The following COMMD1 variants were observed in gnomAD, a reference collection of about 807,000 sequenced individuals.
COMMD1 encodes COMM domain-containing protein 1.
A neutral mutation model predicts 17.2 loss-of-function variants in COMMD1; 10 were observed. The observed-to-expected ratio is 0.58, with a 90% CI of 0.36 to 0.99. COMMD1 has a LOEUF of 0.99. Ranked by LOEUF, COMMD1 falls within the 50% of genes least tolerant of loss-of-function variation. COMMD1 has a pLI of 0.01. For missense variants in COMMD1, 270 were observed against 231.8 expected, an observed-to-expected ratio of 1.17 and a Z score of -1.07; for synonymous variants, 97 against 91.6, an observed-to-expected ratio of 1.06 and a Z score of -0.34.
intron 2 of COMMD1, among the ~76,000 whole-genome samples, chr2:62,061,536 GCTGT>G (rs949600203): frequency 3.3e-5 from 5 of 151,148 alleles, no homozygotes; most frequent in African/African-American, 1.2e-4. Context: ...TTTATGTGTG[GCTGT>G]CTTTCTTTCT....
At chr2:61,943,066 T>C (rs1670795240) in intron 1 of COMMD1, among the ~76,000 whole-genome samples, 1 of 152,176 alleles carries the variant, frequency 6.6e-6, no homozygotes, top group South Asian at 2.1e-4. Flanking sequence ...GGATTTTATC[T>C]CAGTAGAAAA....
chr2:62,033,605 A>G (rs1669966383), intron 2 of COMMD1, among the ~76,000 whole-genome samples: 1 of 151,994 alleles, frequency 6.6e-6, no homozygotes, highest in Admixed American at 6.5e-5. Flanking sequence ...ATGTTAAGCT[A>G]CTTCTTAAAA....
At chr2:61,937,308 T>C (rs1463878576) in intron 1 of COMMD1, among the ~76,000 whole-genome samples, 1 of 152,302 alleles carries the variant, frequency 6.6e-6, no homozygotes, top group East Asian at 1.9e-4. Flanking sequence ...AATGAGGAAG[T>C]GCATTCAAAT....
chr2:61,915,619 A>G, intron 1 of COMMD1: 2 of 429,608 alleles, frequency 4.7e-6, no homozygotes, highest in Admixed American at 5.0e-5. Context: ...CCTTTTGAGT[A>G]GCTGAAACTG....
intron 2 of COMMD1, among the ~76,000 whole-genome samples, chr2:62,067,593 C>G (rs1671088501): frequency 6.6e-6 from 1 of 151,856 alleles, no homozygotes; most frequent in East Asian, 1.9e-4. Flanking sequence ...ACACAGAGAC[C>G]CAGGGAAAAC....
At position 61,905,703 on chromosome 2, in the gene COMMD1, G is replaced by A; in HGVS notation, c.25G>A (p.Gly9Ser). MAAGELEG[G>S]KPLSGLLNAL... ...CATGGCGGCGGGCGAGCTTGAGGGT[G>A]GCAAACCCCTGAGCGGGCTGCTGAA... Residue 9 changes from glycine to serine, a missense_variant, in exon 1 of 3, where the codon GGC (glycine) becomes AGC (serine). Physicochemically the swap from Gly to Ser is moderately conservative, Grantham distance 56 (BLOSUM62 0). Coordinates refer to ENST00000311832, the MANE Select transcript of COMMD1 (RefSeq NM_152516.4). The A allele has an allele frequency of 1.3e-6, 2 of 1,587,646 alleles. No homozygotes were observed. The highest frequency in any genetic ancestry group is 1.1e-5 in the South Asian group (1 of 88,448).
chr2:61,985,073 C>T (rs545276991), intron 1 of COMMD1, among the ~76,000 whole-genome samples: 13 of 144,582 alleles, frequency 9.0e-5, no homozygotes, highest in South Asian at 2.2e-4. Context: ...TTTTTTGAGA[C>T]GGAGTCTCGC....
intron 1 of COMMD1, among the ~76,000 whole-genome samples, chr2:61,924,643 A>G (rs1670281049): frequency 6.6e-6 from 1 of 152,216 alleles, no homozygotes. Context: ...AAGCCTGAAC[A>G]TAAGGAATCT....
chr2:61,973,274 G>A (rs1573018165), intron 1 of COMMD1, among the ~76,000 whole-genome samples: 1 of 152,118 alleles, frequency 6.6e-6, no homozygotes. Context: ...TTTTTACGTT[G>A]CAGAGGAGTT....
At chr2:62,105,024 T>C (rs558129201) in intron 2 of COMMD1, among the ~76,000 whole-genome samples, 49 of 147,316 alleles carry the variant, frequency 3.3e-4, no homozygotes, top group African/African-American at 1.2e-3. Context: ...ACTCGGGAGG[T>C]TGAGGCAGGA....
At chr2:61,927,435 C>G (rs896169289) in intron 1 of COMMD1, among the ~76,000 whole-genome samples, 8 of 152,150 alleles carry the variant, frequency 5.3e-5, no homozygotes, top group Non-Finnish European at 1.0e-4. Context: ...CTGTGCAGCC[C>G]AGGCTGGAGT....
chr2:61,945,686 A>G (rs184697229), intron 1 of COMMD1, among the ~76,000 whole-genome samples: 15 of 152,298 alleles, frequency 9.8e-5, no homozygotes, highest in African/African-American at 1.7e-4. Context: ...CTTTTATACA[A>G]TTTAGGGAGA....
At chr2:62,108,274 A>G (rs941850517) in intron 2 of COMMD1, among the ~76,000 whole-genome samples, 2 of 152,152 alleles carry the variant, frequency 1.3e-5, no homozygotes, top group African/African-American at 2.4e-5. Context: ...GAGAGGAGAA[A>G]ACTTTTCCCT....
In COMMD1 at chr2:62,063,868, AATATATATATATATATAT is replaced by A. The variant is rs55740628; in HGVS notation, c.462+62899_462+62916del. Among the ~76,000 whole-genome samples, 301 of 81,174 alleles carry A rather than the reference AATATATATATATATATAT, an allele frequency of 3.7e-3. 10 individuals carry two copies. Among genetic ancestry groups the A allele is most frequent in the African/African-American group, 0.013 (269 of 20,470 alleles). 53.3% of individuals were successfully genotyped at this position (81,174 alleles called of 152,430 possible). A position where few individuals can be genotyped will look rare whatever the true frequency, so the allele number is the denominator to read the frequency against. ...CAACATAGTGACACTGTCTCTACAA[AATATATATATATATATAT>A]ATATATATATATTAGCCAGGCATGG... is the stretch of plus-strand genomic sequence containing the variant. On this transcript the variant is annotated intron_variant, in intron 2 of 2. Coordinates refer to ENST00000311832, the MANE Select transcript of COMMD1 (RefSeq NM_152516.4).
intron 2 of COMMD1, among the ~76,000 whole-genome samples, chr2:62,122,599 A>G (rs566019139): frequency 6.6e-6 from 1 of 152,376 alleles, no homozygotes; most frequent in Admixed American, 6.5e-5. Context: ...TTAGCTGTAC[A>G]TAATTCATCC....
At chr2:61,933,043 A>G (rs1670509956) in intron 1 of COMMD1, among the ~76,000 whole-genome samples, 1 of 152,238 alleles carries the variant, frequency 6.6e-6, no homozygotes. Context: ...TTACTGGGCA[A>G]TGGAAGTGGC....
chr2:62,003,954 C>T (rs1669037863), intron 2 of COMMD1, among the ~76,000 whole-genome samples: 2 of 151,892 alleles, frequency 1.3e-5, no homozygotes, highest in Admixed American at 1.3e-4. Flanking sequence ...ATGGTGAAAC[C>T]CTGTCTCTAC....
intron 1 of COMMD1, among the ~76,000 whole-genome samples, chr2:61,982,309 TA>T (rs1671975898): frequency 6.6e-6 from 1 of 152,222 alleles, no homozygotes; most frequent in Non-Finnish European, 1.5e-5. Flanking sequence ...CCTTGGCATA[TA>T]GAAATACTGC....
chr2:61,973,240 C>T (rs1032625185), intron 1 of COMMD1, among the ~76,000 whole-genome samples: 1 of 152,166 alleles, frequency 6.6e-6, no homozygotes, highest in African/African-American at 2.4e-5. Flanking sequence ...CTCCTAGTCC[C>T]TAGGTACAAG....
Sources: allele counts gnomAD v4.1 joint callset (sites outside exome capture counted in the v4.1 genomes callset), GRCh38; gene constraint gnomAD v4.1.1; transcripts MANE v1.5; gene names NCBI Gene and HGNC (gene_info 2026-07-23, HGNC 2026-07-21).